EPHA7: variants seen among roughly 807,000 people sequenced by gnomAD.
EPHA7 encodes the protein EPH receptor A7, also known as ephrin type-A receptor 7.
Under a neutral mutation model 112.6 loss-of-function variants are expected in EPHA7, and 25 were observed. That is an observed-to-expected ratio of 0.22 (90% confidence interval 0.16 to 0.31). The LOEUF (loss-of-function observed/expected upper bound fraction) is 0.31. Among genes scored for constraint, EPHA7 ranks in the 10% least tolerant of loss-of-function variants. EPHA7 has a pLI of 1.00. For missense variants in EPHA7, 962 were observed against 1,212.6 expected (o/e 0.79, Z 3.07); for synonymous variants, 437 against 406.5 (o/e 1.07, Z -0.90).
chr6:93,357,694 T>C (rs1776023291), intron 4 of EPHA7, among the ~76,000 whole-genome samples: 1 of 151,494 alleles, frequency 6.6e-6, no homozygotes. Flanking sequence ...ATTCTTATTG[T>C]CCAAGCTGGA....
chr6:93,417,836 A>G (rs1779318206), intron 1 of EPHA7, among the ~76,000 whole-genome samples: 1 of 152,094 alleles, frequency 6.6e-6, no homozygotes, highest in South Asian at 2.1e-4. Flanking sequence ...TGGGTTCAGC[A>G]TCTATACAGG....
At chr6:93,283,587 C>T (rs970483425) in intron 5 of EPHA7, among the ~76,000 whole-genome samples, 10 of 151,826 alleles carry the variant, frequency 6.6e-5, no homozygotes, top group African/African-American at 2.2e-4. Flanking sequence ...CAACTCCAGA[C>T]GCACTGCCTT....
chr6:93,418,463 C>T (rs150526481), intron 1 of EPHA7, among the ~76,000 whole-genome samples: 2 of 152,222 alleles, frequency 1.3e-5, no homozygotes, highest in Admixed American at 6.5e-5. Context: ...GACTTTGAGT[C>T]GCCCAGGCGG....
intron 9 of EPHA7, 87 bp downstream of exon 9, chr6:93,263,773 C>A: frequency 1.0e-6 from 1 of 980,168 alleles, no homozygotes; most frequent in South Asian, 1.4e-5. Flanking sequence ...AAGCATGATG[C>A]ATGAGGACTT....
At chr6:93,348,583 A>G (rs933175269) in intron 5 of EPHA7, among the ~76,000 whole-genome samples, 1 of 151,898 alleles carries the variant, frequency 6.6e-6, no homozygotes, top group Non-Finnish European at 1.5e-5. Flanking sequence ...ATTCCTGTGT[A>G]AATACCACAT....
intron 5 of EPHA7, among the ~76,000 whole-genome samples, chr6:93,285,091 A>AT (rs1238817530): frequency 1.3e-5 from 2 of 152,322 alleles, no homozygotes; most frequent in Non-Finnish European, 2.9e-5. Context: ...AGAAATTCAT[A>AT]TTGCTTAATA....
chr6:93,308,996 T>G (rs1443494885), intron 5 of EPHA7, among the ~76,000 whole-genome samples: 1 of 152,074 alleles, frequency 6.6e-6, no homozygotes, highest in African/African-American at 2.4e-5. Flanking sequence ...TCGCCCAGGC[T>G]GGAGTGCAAT....
At chr6:93,334,685 T>G (rs1774772535) in intron 5 of EPHA7, among the ~76,000 whole-genome samples, 1 of 152,118 alleles carries the variant, frequency 6.6e-6, no homozygotes, top group Non-Finnish European at 1.5e-5. Flanking sequence ...TTTCTGCTAC[T>G]GTGCATAGAA....
chr6:93,367,217 A>G (rs1776558573), intron 3 of EPHA7, among the ~76,000 whole-genome samples: 1 of 152,198 alleles, frequency 6.6e-6, no homozygotes, highest in Non-Finnish European at 1.5e-5. Context: ...AGAGGCAACA[A>G]TTAGGAGAGT....
At chr6:93,332,483 C>A (rs1053565722) in intron 5 of EPHA7, among the ~76,000 whole-genome samples, 1 of 151,434 alleles carries the variant, frequency 6.6e-6, no homozygotes, top group Non-Finnish European at 1.5e-5. Flanking sequence ...TCTCTCTTTG[C>A]TAAGTGGCTT....
intron 5 of EPHA7, among the ~76,000 whole-genome samples, chr6:93,273,081 G>C (rs1213796991): frequency 2.0e-5 from 3 of 151,810 alleles, no homozygotes; most frequent in African/African-American, 4.8e-5. Context: ...CGTAACCTAG[G>C]CTTCAAGCTT....
chr6:93,381,090 T>G (rs1777311715), intron 3 of EPHA7, among the ~76,000 whole-genome samples: 1 of 152,154 alleles, frequency 6.6e-6, no homozygotes, highest in African/African-American at 2.4e-5. Flanking sequence ...TTAGATACAA[T>G]ACATAATTAT....
intron 3 of EPHA7, among the ~76,000 whole-genome samples, chr6:93,373,853 A>T (rs1776922459): frequency 6.6e-6 from 1 of 152,074 alleles, no homozygotes; most frequent in Non-Finnish European, 1.5e-5. Context: ...CAAAAGGTAA[A>T]AAAAAAATCA....
chr6:93,280,854 T>C (rs955874793), intron 5 of EPHA7, among the ~76,000 whole-genome samples: 3 of 152,156 alleles, frequency 2.0e-5, no homozygotes, highest in Non-Finnish European at 4.4e-5. Context: ...ACTTTGTTTG[T>C]ATTAAAATTA....
chr6:93,396,161 C>G (rs1778160965), intron 3 of EPHA7, among the ~76,000 whole-genome samples: 1 of 151,794 alleles, frequency 6.6e-6, no homozygotes, highest in African/African-American at 2.4e-5. Context: ...TGTCATTTAT[C>G]TGTCGAAATT....
chr6:93,250,533 T>C (rs1458565694), intron 14 of EPHA7, among the ~76,000 whole-genome samples: 2 of 152,048 alleles, frequency 1.3e-5, no homozygotes, highest in Non-Finnish European at 2.9e-5. Context: ...AGGTAGCTGT[T>C]AGTAGAAAAG....
intron 7 of EPHA7, among the ~76,000 whole-genome samples, chr6:93,265,419 T>C (rs1770886912): frequency 6.6e-6 from 1 of 151,714 alleles, no homozygotes; most frequent in Non-Finnish European, 1.5e-5. Flanking sequence ...CTATGCTCAT[T>C]AAGGCAAACC....
intron 5 of EPHA7, among the ~76,000 whole-genome samples, chr6:93,282,477 A>T (rs1178092680): frequency 6.6e-6 from 1 of 152,260 alleles, no homozygotes; most frequent in Non-Finnish European, 1.5e-5. Flanking sequence ...GAGAGGTGAC[A>T]GCATGCTGGC....
chr6:93,390,524 A>T (rs1435827851), intron 3 of EPHA7, among the ~76,000 whole-genome samples: 1 of 151,122 alleles, frequency 6.6e-6, no homozygotes, highest in Non-Finnish European at 1.5e-5. Flanking sequence ...TTAGGCATTG[A>T]CTGTCATGAT....
Sources: gnomAD v4.1 joint callset for allele counts (sites outside exome capture counted in the v4.1 genomes callset) on GRCh38, gnomAD v4.1.1 for gene constraint, MANE v1.5 for transcripts, NCBI Gene and HGNC (gene_info 2026-07-23, HGNC 2026-07-21) for gene names.